Variants in AKR1C2 observed in about 807,000 individuals in gnomAD.
AKR1C2 encodes the protein 3-alpha-HSD3.
Under a neutral mutation model 39.8 loss-of-function variants are expected in AKR1C2, and 27 were observed. That is an observed-to-expected ratio of 0.68 (90% CI 0.50 to 0.93). The LOEUF is 0.93. Among genes scored for constraint, AKR1C2 ranks in the 40% least tolerant of loss-of-function variants. The pLI, the probability that AKR1C2 is intolerant of heterozygous loss-of-function variation, is 0.00. For synonymous variants in AKR1C2, 114 were observed against 137.9 expected, an observed-to-expected ratio of 0.83 and a Z score of 1.22; for missense variants, 263 against 365.1, an observed-to-expected ratio of 0.72 and a Z score of 2.28.
chr10:5,001,731 T>C (rs782560703), intron 1 of AKR1C2, 50 bp from the exon 2 acceptor site: 1 of 1,609,590 alleles, frequency 6.2e-7, no homozygotes, highest in Non-Finnish European at 8.5e-7. Flanking sequence ...GCCTGAGAGT[T>C]AGTTCGGGCA....
intron 1 of AKR1C2, chr10:5,015,103 T>C (rs1272596681): frequency 3.3e-5 from 5 of 152,206 alleles, no homozygotes; most frequent in Non-Finnish European, 7.3e-5. Flanking sequence ...GTCCTTCAGA[T>C]CTGGTCGCCT....
intron 8 of AKR1C2, among the ~76,000 whole-genome samples, chr10:4,991,505 C>G (rs71230208): frequency 6.6e-6 from 1 of 152,134 alleles, no homozygotes; most frequent in Non-Finnish European, 1.5e-5. Context: ...CCACATGGGC[C>G]ATATCCACAG....
At chr10:4,992,132 A>G (rs1343144496) in intron 7 of AKR1C2, among the ~76,000 whole-genome samples, 3 of 148,686 alleles carry the variant, frequency 2.0e-5, no homozygotes, top group Admixed American at 6.7e-5. Flanking sequence ...GAAACTGCAC[A>G]ACACTGCAGA....
Position 4,995,462 on chromosome 10 carries a change from GCACCGGGGAGTTCGGGTC to G in AKR1C2, c.685_702del (p.Asp229_Val234del), listed in dbSNP as rs1836997424. The G allele has an allele frequency of 6.5e-7, 1 of 1,540,494 alleles. No homozygotes were observed. The highest frequency in any genetic ancestry group is 8.7e-7 in the Non-Finnish European group (1 of 1,147,122). ...GCACAAAGGACTGGGTCCTCCAAGA[GCACCGGGGAGTTCGGGTC>G]CACCCTGGAAGGAAAGGCAGAAAGG... is the stretch of plus-strand genomic sequence containing the variant. On this transcript the variant is annotated inframe_deletion, in exon 7 of 9. Transcript: ENST00000380753.
chr10:5,008,154 G>T (rs1837442543), upstream of AKR1C2, among the ~76,000 whole-genome samples: 1 of 151,488 alleles, frequency 6.6e-6, no homozygotes, highest in African/African-American at 2.4e-5. Flanking sequence ...GAGGGGTAAG[G>T]CCTTTCTCCC....
chr10:4,993,321 G>A (rs567948010), intron 7 of AKR1C2, among the ~76,000 whole-genome samples: 15 of 152,290 alleles, frequency 9.8e-5, no homozygotes, highest in Admixed American at 7.2e-4. Flanking sequence ...AGATGGAAGA[G>A]AGGCCAGATA....
chr10:4,991,622 C>T (rs1836848596), intron 8 of AKR1C2, among the ~76,000 whole-genome samples: 2 of 150,292 alleles, frequency 1.3e-5, no homozygotes, highest in South Asian at 4.3e-4. Context: ...AGAGCAGAGG[C>T]ACAGGTTGAC....
chr10:5,016,548 T>G (rs1397184221), intron 1 of AKR1C2, among the ~76,000 whole-genome samples: 2 of 152,220 alleles, frequency 1.3e-5, no homozygotes, highest in Admixed American at 1.3e-4. Flanking sequence ...CAGCTCTACC[T>G]CTGTGGCTAT....
chr10:4,994,759 A>C (rs1352790225), intron 7 of AKR1C2, among the ~76,000 whole-genome samples: 2 of 149,112 alleles, frequency 1.3e-5, no homozygotes, highest in African/African-American at 2.5e-5. Flanking sequence ...CTAATTTTCT[A>C]ACCATGGAAC....
intron 1 of AKR1C2, among the ~76,000 whole-genome samples, chr10:5,012,798 C>T (rs1284062113): frequency 6.6e-6 from 1 of 152,186 alleles, no homozygotes; most frequent in Non-Finnish European, 1.5e-5. Flanking sequence ...CAGCAATTCT[C>T]ATCTCTCTCC....
intron 3 of AKR1C2, 113 bp from the exon 4 acceptor site, chr10:4,999,390 C>T: frequency 1.2e-6 from 2 of 1,608,126 alleles, no homozygotes; most frequent in Middle Eastern, 1.7e-4. Flanking sequence ...TGATGCAGCG[C>T]TCCAGAGAGT....
At chr10:5,000,997 G>T (rs1837251937) in intron 2 of AKR1C2, among the ~76,000 whole-genome samples, 1 of 152,140 alleles carries the variant, frequency 6.6e-6, no homozygotes. Context: ...CATCTATTCA[G>T]CCCAATGGGC....
At chr10:5,001,295 A>C (rs1837263164) in intron 2 of AKR1C2, among the ~76,000 whole-genome samples, 1 of 152,244 alleles carries the variant, frequency 6.6e-6, no homozygotes, top group Admixed American at 6.5e-5. Context: ...GAGCTCGAAG[A>C]GTAAAGGCAC....
intron 5 of AKR1C2, among the ~76,000 whole-genome samples, chr10:4,997,046 T>G (rs2131687180): frequency 6.6e-6 from 1 of 152,264 alleles, no homozygotes; most frequent in East Asian, 1.9e-4. Context: ...AAACATGAGT[T>G]AAAAACAACA....
chr10:4,992,839 A>G (rs1554772406), intron 7 of AKR1C2, among the ~76,000 whole-genome samples: 1 of 151,978 alleles, frequency 6.6e-6, no homozygotes, highest in African/African-American at 2.4e-5. Context: ...AGTCCCAGCT[A>G]CTCTGGAGGC....
chr10:5,000,648 G>C lies in AKR1C2; in HGVS notation c.271C>G (p.Arg91Gly). 1 of 1,613,674 alleles carries C rather than the reference G, an allele frequency of 6.2e-7. No individual in the cohort carries two copies. The highest frequency in any genetic ancestry group is 8.5e-7 in the Non-Finnish European group (1 of 1,179,780). ...YTSKLWSNSH[R>G]PELVRPALER... ...AAGGCTGGTCGGACCAACTCTGGTCGATGGGAATTGCTCCAAAGCTGCAGA... is the reference window on the plus strand; with the variant it reads ...AAGGCTGGTCGGACCAACTCTGGTCCATGGGAATTGCTCCAAAGCTGCAGA... The change falls in exon 3 of 9, where the codon CGA (arginine) becomes GGA (glycine). Residue 91 changes from arginine to glycine, a missense_variant. Physicochemically the swap from Arg to Gly is moderately radical, Grantham distance 125. Transcript: ENST00000380753.
At chr10:5,002,180 T>G (rs1192174377) in intron 1 of AKR1C2, among the ~76,000 whole-genome samples, 2 of 152,182 alleles carry the variant, frequency 1.3e-5, no homozygotes, top group Non-Finnish European at 2.9e-5. Context: ...CTCTACATAC[T>G]CCATTGCTAA....
At chr10:5,005,465 G>A (rs1322593737), upstream of AKR1C2, among the ~76,000 whole-genome samples, 2 of 152,078 alleles carry the variant, frequency 1.3e-5, no homozygotes, top group African/African-American at 2.4e-5. Context: ...AGCAGATCAC[G>A]AGGTTAGGAG....
rs781968040 is a variant in AKR1C2, at chr10:4,990,055, A to G, written c.930-17T>C. 3.7e-6 allele frequency: 6 copies of G among 1,607,018 alleles called. No individual in the cohort carries two copies. Among genetic ancestry groups the G allele is most frequent in the African/African-American group, 1.3e-5 (1 of 74,424 alleles). On this transcript the variant is annotated splice_polypyrimidine_tract_variant and intron_variant, in intron 8 of 8. Coordinates refer to ENST00000380753, the MANE Select transcript of AKR1C2 (RefSeq NM_001393392.1). ...CCAGCAAAACTGGAAAGAGAAAAAA[A>G]AATGCACACTCTGAATGGCAATGAC...
Sources: gnomAD v4.1 joint callset for allele counts (sites outside exome capture counted in the v4.1 genomes callset) on GRCh38, gnomAD v4.1.1 for gene constraint, MANE v1.5 for transcripts, NCBI Gene and HGNC (gene_info 2026-07-23, HGNC 2026-07-21) for gene names.